Variants in SPOCK2 observed in about 807,000 individuals in gnomAD.
The protein encoded by SPOCK2 is SPARC (osteonectin), cwcv and kazal like domains proteoglycan 2.
Under a neutral mutation model 60.1 loss-of-function variants are expected in SPOCK2, and 39 were observed. That is an observed-to-expected ratio of 0.65 (90% CI 0.50 to 0.85). The LOEUF is 0.85. Among genes scored for constraint, SPOCK2 ranks in the 40% least tolerant of loss-of-function variants. The probability of loss-of-function intolerance (pLI) is 0.00; values close to 1 mark genes in which losing one functional copy is unlikely to be tolerated. For synonymous variants in SPOCK2, 217 were observed against 231.5 expected, an observed-to-expected ratio of 0.94 and a Z score of 0.57; for missense variants, 523 against 567.4, an observed-to-expected ratio of 0.92 and a Z score of 0.80.
intron 9 of SPOCK2, 93 bp from the exon 10 acceptor site, chr10:72,063,255 G>A: frequency 6.6e-7 from 1 of 1,510,816 alleles, no homozygotes; most frequent in Non-Finnish European, 8.9e-7. Context: ...ATGAGCAGAA[G>A]TCTATACACC....
intron 2 of SPOCK2, 26 bp from the exon 3 acceptor site, chr10:72,072,574 G>A: frequency 6.2e-7 from 1 of 1,613,772 alleles, no homozygotes; most frequent in Non-Finnish European, 8.5e-7. Flanking sequence ...GGACAAGGGA[G>A]AAGGGAAAGG....
At position 72,070,089 on chromosome 10, in the gene SPOCK2, C is replaced by T. The variant is rs190023486; in HGVS notation, c.474+223G>A. 4.0e-4 allele frequency: 201 copies of T among 506,740 alleles called. 4 individuals are homozygous for T. Among genetic ancestry groups the T allele is most frequent in the East Asian group, 2.1e-3 (62 of 29,282 alleles). 31.4% of individuals were successfully genotyped at this position (506,740 alleles called of 1,614,324 possible). Reference sequence around the variant, plus strand: ...GCCCCACTCCCCACCTGCACCTGTCCGAGGTCAGGGACAGACAGGGTCTGG... The same window carrying T: ...GCCCCACTCCCCACCTGCACCTGTCTGAGGTCAGGGACAGACAGGGTCTGG... On this transcript the variant is annotated intron_variant, in intron 5 of 10. Transcript: ENST00000373109.
chr10:72,063,785 G>A (rs949747161), intron 9 of SPOCK2, among the ~76,000 whole-genome samples: 3 of 152,200 alleles, frequency 2.0e-5, no homozygotes, highest in African/African-American at 4.8e-5. Flanking sequence ...TATTGCTGTT[G>A]TATCTCTGGG....
chr10:72,070,473 G>A (rs765351153), intron 4 of SPOCK2, 47 bp from the exon 5 acceptor site: 1 of 1,582,602 alleles, frequency 6.3e-7, no homozygotes, highest in East Asian at 2.2e-5. Context: ...TGACAATGAG[G>A]AAGGAGCAGG....
Position 72,070,404 on chromosome 10 carries a change from G to T in SPOCK2, c.382C>A (p.Leu128Ile), listed in dbSNP as rs757323407. 3 of 1,614,200 alleles carry T rather than the reference G, an allele frequency of 1.9e-6. No individual in the cohort carries two copies. Among genetic ancestry groups the T allele is most frequent in the Non-Finnish European group, 2.5e-6 (3 of 1,180,018 alleles). The change falls in exon 5 of 11, where the codon CTC (leucine) becomes ATC (isoleucine). Residue 128 changes from leucine to isoleucine, a missense_variant. By Grantham distance (5) the Leu-to-Ile change is conservative. Coordinates refer to ENST00000373109, the MANE Select transcript of SPOCK2 (RefSeq NM_001244950.2). ...EHRIKQPTVK[L>I]HGNKDSICKP... The stretch of plus-strand genomic sequence containing the variant: ...CAGATGGAGTCTTTGTTTCCATGGA[G>T]TTTCACGGTCGGCTGCTTGATCCTA...
chr10:72,082,767 T>C (rs565000476), intron 1 of SPOCK2, among the ~76,000 whole-genome samples: 33 of 146,768 alleles, frequency 2.2e-4, no homozygotes, highest in Non-Finnish European at 3.7e-4. Flanking sequence ...GGTGGGAGGA[T>C]CGCTTGAGTC....
At chr10:72,070,542 T>A (rs1840632523) in intron 4 of SPOCK2, 116 bp from the exon 5 acceptor site, 2 of 955,492 alleles carry the variant, frequency 2.1e-6, no homozygotes, top group Admixed American at 4.2e-5. Flanking sequence ...CTTCAGCAGA[T>A]CAGCCCCTTC....
chr10:72,082,422 A>G (rs1167085343), intron 1 of SPOCK2, among the ~76,000 whole-genome samples: 1 of 152,194 alleles, frequency 6.6e-6, no homozygotes, highest in East Asian at 1.9e-4. Flanking sequence ...TGTGGACTGC[A>G]TATCTGTGTC....
chr10:72,084,610 G>C (rs1763005263), intron 1 of SPOCK2, among the ~76,000 whole-genome samples: 1 of 152,202 alleles, frequency 6.6e-6, no homozygotes, highest in Admixed American at 6.5e-5. Context: ...CTTCAGGGTA[G>C]ACCCCTCCTT....
rs1199581681 is a variant in SPOCK2, at chr10:72,087,444, C to T, written c.189+696G>A. On this transcript the variant is annotated intron_variant, in intron 1 of 10. Transcript: ENST00000373109. This position sits in a 1 kb window ranked among gnomAD's most constrained non-coding sequence, Gnocchi z 4.7. The stretch of plus-strand genomic sequence containing the variant: ...CTCTGGCTCCGAGCTGCTCCCCTCG[C>T]TCCAGGCTGGATTCCCCCCTGAAAT... Among the ~76,000 whole-genome samples, 1 of 152,186 alleles carries T rather than the reference C, an allele frequency of 6.6e-6. No individual in the cohort carries two copies. Among genetic ancestry groups the T allele is most frequent in the African/African-American group, 2.4e-5 (1 of 41,456 alleles).
In SPOCK2 at chr10:72,068,182, C is replaced by T; in HGVS notation, c.589+5G>A. The T allele has an allele frequency of 6.2e-7, 1 of 1,607,280 alleles. No individual in the cohort carries two copies. The highest frequency in any genetic ancestry group is 8.5e-7 in the Non-Finnish European group (1 of 1,177,308). On this transcript the variant is annotated splice_donor_5th_base_variant and intron_variant, in intron 6 of 10. Transcript: ENST00000373109. Reference sequence around the variant, plus strand: ...CCTAGCCTGGTGGCCCAGCACTGTCCTCACCTGGTTTGCCATCGGCGGTGG... The same window carrying T: ...CCTAGCCTGGTGGCCCAGCACTGTCTTCACCTGGTTTGCCATCGGCGGTGG...
At chr10:72,078,593 C>T (rs1589124115) in intron 1 of SPOCK2, among the ~76,000 whole-genome samples, 1 of 151,846 alleles carries the variant, frequency 6.6e-6, no homozygotes, top group Admixed American at 6.6e-5. Flanking sequence ...TTTTGAAAGC[C>T]TTTCACGGGT....
chr10:72,064,275 C>A (rs920795702), intron 8 of SPOCK2, 35 bp from the exon 9 acceptor site: 10 of 1,550,018 alleles, frequency 6.5e-6, no homozygotes, highest in Non-Finnish European at 8.7e-6. Context: ...ATGGGACTGT[C>A]CCCTGGTGCT....
In SPOCK2 at chr10:72,068,228, G is replaced by A; in HGVS notation, c.548C>T (p.Pro183Leu). ...GGTGGAGGTGGCAGCCTGCTCCGTG[G>A]GGCAGGGGCAGGGGCCCTCGCATCG... is the stretch of plus-strand genomic sequence containing the variant. Reference protein sequence around the residue: ...AVRCEGPCPCPTEQAATSTAD... With the variant: ...AVRCEGPCPCLTEQAATSTAD... Residue 183 changes from proline to leucine, a missense_variant, in exon 6 of 11, where the codon CCC becomes CTC. By Grantham distance (98) the Pro-to-Leu change is moderately conservative (BLOSUM62 -3). Coordinates refer to ENST00000373109, the MANE Select transcript of SPOCK2 (RefSeq NM_001244950.2). 8 of 1,610,982 alleles carry A rather than the reference G, an allele frequency of 5.0e-6. No individual in the cohort carries two copies. The highest frequency in any genetic ancestry group is 6.8e-6 in the Non-Finnish European group (8 of 1,178,846).
chr10:72,082,931 G>GAGAAAAGTGTAA (rs112469846), intron 1 of SPOCK2, among the ~76,000 whole-genome samples: 3 of 150,414 alleles, frequency 2.0e-5, no homozygotes, highest in South Asian at 2.1e-4. Context: ...AGGCTATAAT[G>GAGAAAAGTGTAA]GCCAGGAAGA....
At chr10:72,076,737 T>A (rs181060447) in intron 1 of SPOCK2, among the ~76,000 whole-genome samples, 1 of 152,240 alleles carries the variant, frequency 6.6e-6, no homozygotes, top group East Asian at 1.9e-4. Flanking sequence ...GCTTTTAGAG[T>A]AAGTTCTCTC....
At chr10:72,080,503 G>T (rs1168770515) in intron 1 of SPOCK2, among the ~76,000 whole-genome samples, 1 of 152,156 alleles carries the variant, frequency 6.6e-6, no homozygotes, top group African/African-American at 2.4e-5. Flanking sequence ...AAAGAGCAAG[G>T]TGGGGCCCAG....
chr10:72,066,173 G>A (rs749074449), intron 8 of SPOCK2, among the ~76,000 whole-genome samples: 4 of 152,002 alleles, frequency 2.6e-5, no homozygotes, highest in Non-Finnish European at 4.4e-5. Context: ...TGATGACAAC[G>A]TATGTAATCA....
At chr10:72,070,149 G>C (rs1840626805) in intron 5 of SPOCK2, 163 bp downstream of exon 5, 1 of 617,930 alleles carries the variant, frequency 1.6e-6, no homozygotes, top group African/African-American at 1.8e-5. Context: ...CAGGGCTGCA[G>C]GTGGCCCCAG....
Sources: gnomAD v4.1 joint callset for allele counts (sites outside exome capture counted in the v4.1 genomes callset) on GRCh38, gnomAD v4.1.1 for gene constraint, Gnocchi (gnomAD v3.1) non-coding constraint, MANE v1.5 for transcripts, NCBI Gene and HGNC (gene_info 2026-07-23, HGNC 2026-07-21) for gene names.